TTC28: variants seen among roughly 807,000 people sequenced by gnomAD.
The protein encoded by TTC28 is tetratricopeptide repeat domain 28, also known as tetratricopeptide repeat protein 28.
Under a neutral mutation model 198.0 loss-of-function variants are expected in TTC28, and 61 were observed. That is an observed-to-expected ratio of 0.31 (90% CI 0.25 to 0.38). The LOEUF (loss-of-function observed/expected upper bound fraction) is 0.38. TTC28 is among the 10% of genes least tolerant of loss of function. The pLI is 1.00. For synonymous variants in TTC28, 1,171 were observed against 1,297.8 expected (o/e 0.90, Z 2.10); for missense variants, 2,678 against 3,164.0 (o/e 0.85, Z 3.69).
At chr22:28,078,240 G>A (rs1296381069) in intron 12 of TTC28, among the ~76,000 whole-genome samples, 2 of 152,112 alleles carry the variant, frequency 1.3e-5, no homozygotes, top group Non-Finnish European at 2.9e-5. Context: ...GAATAACAAG[G>A]ACACCATGGC....
intron 2 of TTC28, among the ~76,000 whole-genome samples, chr22:28,545,196 A>G (rs1048889322): frequency 6.6e-6 from 1 of 152,162 alleles, no homozygotes; most frequent in Non-Finnish European, 1.5e-5. Context: ...ATAAATTATC[A>G]TCACTTCACC....
At chr22:28,439,117 G>A (rs1197222464) in intron 2 of TTC28, among the ~76,000 whole-genome samples, 1 of 152,100 alleles carries the variant, frequency 6.6e-6, no homozygotes, top group Non-Finnish European at 1.5e-5. Context: ...AGTATATATT[G>A]AGCAACTATA....
intron 1 of TTC28, among the ~76,000 whole-genome samples, chr22:28,645,142 C>CAA (rs796159071): frequency 8.3e-6 from 1 of 119,894 alleles, no homozygotes; most frequent in African/African-American, 3.1e-5. Context: ...GACTCCGTCT[C>CAA]AAAAAAAAAA....
In TTC28 at chr22:28,105,304, G is replaced by C. The variant is rs1204243859; in HGVS notation, c.3282C>G (p.Ser1094=). ...CTTCCTGTAAGTACATGACTGCTTGGGAATAGTTCTGCAAGGCATGATGGG... is the reference window on the plus strand; with the variant it reads ...CTTCCTGTAAGTACATGACTGCTTGCGAATAGTTCTGCAAGGCATGATGGG... ...GRTHHALQNY[S]QAVMYLQEGL... Residue 1094 remains serine (S), a synonymous_variant, in exon 8 of 23, where the codon TCC becomes TCG. Transcript: ENST00000397906. 6.4e-7 allele frequency: 1 copy of C among 1,551,508 alleles called. No individual in the cohort carries two copies. The highest frequency in any genetic ancestry group is 2.4e-5 in the East Asian group (1 of 40,932).
intron 2 of TTC28, among the ~76,000 whole-genome samples, chr22:28,381,471 A>G (rs762142555): frequency 2.6e-5 from 4 of 152,088 alleles, no homozygotes; most frequent in Non-Finnish European, 4.4e-5. Context: ...GAGCTTCCCT[A>G]TTAGTAGATG....
chr22:28,327,305 T>C (rs2045548190), intron 2 of TTC28, among the ~76,000 whole-genome samples: 1 of 152,198 alleles, frequency 6.6e-6, no homozygotes, highest in African/African-American at 2.4e-5. Flanking sequence ...GGTATCCTTT[T>C]TGTTGATTTC....
At position 28,005,221 on chromosome 22, in the gene TTC28, C is replaced by T. The variant is rs17483227; in HGVS notation, c.4219-3668G>A. Among the ~76,000 whole-genome samples the T allele has an allele frequency of 0.021, 3,203 of 152,240 alleles. 40 individuals are homozygous for T. Among genetic ancestry groups the T allele is most frequent in the Non-Finnish European group, 0.029 (1,981 of 68,002 alleles). On this transcript the variant is annotated intron_variant, in intron 14 of 22. Coordinates refer to ENST00000397906, the MANE Select transcript of TTC28 (RefSeq NM_001145418.2). The surrounding 1 kb of genome is among the most constrained non-coding windows in gnomAD (Gnocchi z 4.9). Reference sequence around the variant, plus strand: ...GCAGCAAATGATGCTTGAGAACTTACGGTGTTCCAGGCCAGGTGAGGGAAA... The same window carrying T: ...GCAGCAAATGATGCTTGAGAACTTATGGTGTTCCAGGCCAGGTGAGGGAAA...
intron 2 of TTC28, among the ~76,000 whole-genome samples, chr22:28,403,097 G>T (rs2046942595): frequency 6.6e-6 from 1 of 151,940 alleles, no homozygotes; most frequent in East Asian, 1.9e-4. Flanking sequence ...CTCCTTACTG[G>T]GCTTAATCTG....
intron 5 of TTC28, among the ~76,000 whole-genome samples, chr22:28,248,363 C>G (rs181564126): frequency 1.3e-5 from 2 of 152,304 alleles, no homozygotes; most frequent in Admixed American, 1.3e-4. Flanking sequence ...ACTACTTTCT[C>G]AGGCTCTTCT....
chr22:28,113,474 G>A lies in TTC28; in HGVS notation c.1442-5071C>T, dbSNP rs1408968149. The stretch of plus-strand genomic sequence containing the variant: ...GACCTGGCGAAAGTAATGGAGATTC[G>A]TCTCCAGTGAGAGGAAGTGAGTTAG... On this transcript the variant is annotated intron_variant, in intron 6 of 22. Transcript: ENST00000397906. Among the ~76,000 whole-genome samples, 6 of 152,248 alleles carry A rather than the reference G, an allele frequency of 3.9e-5. No individual in the cohort carries two copies. The South Asian group carries it at 6.2e-4, about 16-fold the overall frequency.
intron 1 of TTC28, among the ~76,000 whole-genome samples, chr22:28,678,037 T>A (rs1219500933): frequency 6.6e-6 from 1 of 152,088 alleles, no homozygotes; most frequent in Non-Finnish European, 1.5e-5. Flanking sequence ...TTTCTTGAAT[T>A]AACAGTAATT....
At chr22:28,020,261 G>C (rs1418392980) in intron 13 of TTC28, among the ~76,000 whole-genome samples, 4 of 152,248 alleles carry the variant, frequency 2.6e-5, no homozygotes, top group African/African-American at 7.2e-5. Context: ...CCGGGACCCA[G>C]TTGGACTGAC....
At chr22:27,990,742 G>GT (rs1569070246) in intron 20 of TTC28, 47 bp downstream of exon 20, 1 of 1,497,226 alleles carries the variant, frequency 6.7e-7, no homozygotes, top group African/African-American at 1.4e-5. Context: ...GGGTGGGTGG[G>GT]TTGAGGGGCT....
chr22:28,063,803 T>C (rs978086765), intron 12 of TTC28, among the ~76,000 whole-genome samples: 2 of 151,962 alleles, frequency 1.3e-5, no homozygotes, highest in Admixed American at 1.3e-4. Context: ...ATGAAGATAT[T>C]ATCCCAAGCA....
intron 6 of TTC28, among the ~76,000 whole-genome samples, chr22:28,153,041 G>C (rs1010054180): frequency 6.6e-6 from 1 of 152,030 alleles, no homozygotes; most frequent in African/African-American, 2.4e-5. Flanking sequence ...GTACGATATG[G>C]ATGTGTATTA....
chr22:28,430,216 T>C (rs1434127600), intron 2 of TTC28, among the ~76,000 whole-genome samples: 1 of 152,114 alleles, frequency 6.6e-6, no homozygotes, highest in Admixed American at 6.6e-5. Context: ...GCAATTCTAT[T>C]TCTTAGTGGG....
intron 5 of TTC28, among the ~76,000 whole-genome samples, chr22:28,226,586 T>G (rs527752419): frequency 4.6e-5 from 7 of 152,138 alleles, no homozygotes; most frequent in African/African-American, 1.7e-4. Context: ...GCTACCACAC[T>G]TGGCTAATTT....
chr22:28,217,177 A>C lies in TTC28; in HGVS notation c.934-53578T>G, dbSNP rs1927471387. On this transcript the variant is annotated intron_variant, in intron 5 of 22. Transcript: ENST00000397906. ...CCAAGTCAGAGAAGCCATCTCTCCT[A>C]ATAGCTGAGTGTTAATGACTACACA... is the stretch of plus-strand genomic sequence containing the variant. Among the ~76,000 whole-genome samples the C allele has an allele frequency of 3.3e-5, 5 of 152,178 alleles. 1 individual carries two copies. The highest frequency in any genetic ancestry group is 3.3e-4 in the Admixed American group (5 of 15,272).
chr22:28,408,971 G>A (rs192748766), intron 2 of TTC28, among the ~76,000 whole-genome samples: 220 of 152,308 alleles, frequency 1.4e-3, no homozygotes, highest in Non-Finnish European at 2.6e-3. Flanking sequence ...ACTTAAGGCT[G>A]AATCTCTTCT....
Sources: allele counts gnomAD v4.1 joint callset (sites outside exome capture counted in the v4.1 genomes callset), GRCh38; gene constraint gnomAD v4.1.1; non-coding constraint Gnocchi (gnomAD v3.1); transcripts MANE v1.5; gene names NCBI Gene and HGNC (gene_info 2026-07-23, HGNC 2026-07-21).